Variants in PKN2 observed in about 807,000 individuals in gnomAD.
The protein encoded by PKN2 is protein kinase N2.
In PKN2, 38 loss-of-function variants were observed where a neutral mutation model predicts 119.1. The observed-to-expected ratio is 0.32, with a 90% CI of 0.25 to 0.42. The LOEUF (loss-of-function observed/expected upper bound fraction) is 0.42. PKN2 is among the 10% of genes least tolerant of loss of function. PKN2 has a pLI of 1.00. For missense variants in PKN2, 850 were observed against 1,165.1 expected (o/e 0.73, Z 3.94); for synonymous variants, 390 against 384.9 (o/e 1.01, Z -0.15).
At chr1:88,772,032 T>C (rs1032353897) in intron 6 of PKN2, among the ~76,000 whole-genome samples, 153 bp downstream of exon 6, 22 of 152,356 alleles carry the variant, frequency 1.4e-4, no homozygotes, top group South Asian at 8.3e-4. Flanking sequence ...TTTAATTTTA[T>C]TCAATTTGGA....
intron 6 of PKN2, among the ~76,000 whole-genome samples, chr1:88,777,901 G>A (rs1438757911): frequency 6.6e-6 from 1 of 152,126 alleles, no homozygotes; most frequent in Non-Finnish European, 1.5e-5. Flanking sequence ...TCTTTCTGAA[G>A]CCTGCTATCT....
chr1:88,688,729 T>C (rs1018685922), intron 1 of PKN2, among the ~76,000 whole-genome samples: 2 of 152,200 alleles, frequency 1.3e-5, no homozygotes, highest in African/African-American at 4.8e-5. Flanking sequence ...TTAACATTAC[T>C]CTGTAGACTG....
intron 8 of PKN2, among the ~76,000 whole-genome samples, chr1:88,803,887 A>G (rs1009980376): frequency 3.3e-5 from 5 of 152,208 alleles, no homozygotes; most frequent in Non-Finnish European, 7.4e-5. Context: ...TAATATTCTT[A>G]AAGTGCTTAT....
chr1:88,797,649 AAAAG>A (rs1224412348), intron 8 of PKN2, among the ~76,000 whole-genome samples: 16 of 151,536 alleles, frequency 1.1e-4, no homozygotes, highest in Non-Finnish European at 1.6e-4. Context: ...AAAAAAAAAA[AAAAG>A]AGAGAGAATG....
In PKN2 at chr1:88,771,427, C is replaced by A; in HGVS notation, c.629C>A (p.Pro210His). 1 of 1,585,724 alleles carries A rather than the reference C, an allele frequency of 6.3e-7. No homozygotes were observed. The highest frequency in any genetic ancestry group is 8.5e-7 in the Non-Finnish European group (1 of 1,170,928). The change falls in exon 5 of 22, where the codon CCT becomes CAT. Residue 210 changes from proline to histidine, a missense_variant. Pro to His is a moderately conservative substitution (Grantham distance 77, BLOSUM62 -2). Transcript: ENST00000370521. The part of the protein sequence containing the change: ...TNELAFDNAK[P>H]VISPLELRME... ...ATTTTTTTTTCCTTTCTAGCAAAACCTGTGATAAGTCCTCTTGAACTTCGG... is the reference window on the plus strand; with the variant it reads ...ATTTTTTTTTCCTTTCTAGCAAAACATGTGATAAGTCCTCTTGAACTTCGG...
At chr1:88,697,382 C>G (rs1248135225) in intron 1 of PKN2, among the ~76,000 whole-genome samples, 2 of 152,160 alleles carry the variant, frequency 1.3e-5, no homozygotes, top group African/African-American at 4.8e-5. Flanking sequence ...GCTATTCTTC[C>G]CCTGGCTGCT....
At chr1:88,758,413 G>A (rs945050974) in intron 2 of PKN2, among the ~76,000 whole-genome samples, 17 of 151,948 alleles carry the variant, frequency 1.1e-4, no homozygotes, top group African/African-American at 4.1e-4. Flanking sequence ...GGGTACCTGT[G>A]AAGATTTGTT....
chr1:88,760,390 A>G lies in PKN2; in HGVS notation c.504+14A>G. 7.2e-7 allele frequency: 1 copy of G among 1,395,382 alleles called. No individual in the cohort carries two copies. Among genetic ancestry groups the G allele is most frequent in the East Asian group, 2.4e-5 (1 of 41,976 alleles). The allele number at this position is 1,395,382 out of a possible 1,614,324, so 86.4% of individuals were successfully genotyped here. ...GGATCTTCAAAGGTAAGTGTAGTTAATAAATGTAACTATATAGTCAGTCAT... is the reference window on the plus strand; with the variant it reads ...GGATCTTCAAAGGTAAGTGTAGTTAGTAAATGTAACTATATAGTCAGTCAT... On this transcript the variant is annotated intron_variant, in intron 3 of 21. Coordinates refer to ENST00000370521, the MANE Select transcript of PKN2 (RefSeq NM_006256.4).
rs750144690 is a variant in PKN2, at chr1:88,807,525, T to C, written c.1935-4T>C. 8.1e-6 allele frequency: 13 copies of C among 1,610,270 alleles called. No homozygotes were observed. Among genetic ancestry groups the C allele is most frequent in the African/African-American group, 1.3e-5 (1 of 74,746 alleles). On this transcript the variant is annotated splice_region_variant and splice_polypyrimidine_tract_variant and intron_variant, in intron 13 of 21. Coordinates refer to ENST00000370521, the MANE Select transcript of PKN2 (RefSeq NM_006256.4). ...TTATTATTAATTGAAATTTCTCTTT[T>C]CAGATCTCAGCAAAGGTTTCAGTTT...
In PKN2 at chr1:88,819,329, G is replaced by GA. The variant is rs887677898; in HGVS notation, c.2280-2604dup. On this transcript the variant is annotated intron_variant, in intron 16 of 21. Transcript: ENST00000370521. ...ACAAGGAACTGAAACAAATTTACAA[G>GA]AAAAAAAACAGCCCCATCAAAAAGT... Among the ~76,000 whole-genome samples the GA allele has an allele frequency of 5.9e-5, 9 of 151,508 alleles. No homozygotes were observed. The South Asian group carries it at 8.3e-4, about 14-fold the overall frequency.
rs112292740 is a variant in PKN2, at chr1:88,814,404, A to T, written c.2279+671A>T. ...TAGTATCTTAATTTTGTAGCTGTTA[A>T]ATGGTGGAGCTAGGATTTGAACCTA... On this transcript the variant is annotated intron_variant, in intron 16 of 21. Coordinates refer to ENST00000370521, the MANE Select transcript of PKN2 (RefSeq NM_006256.4). Among the ~76,000 whole-genome samples the T allele has an allele frequency of 6.2e-3, 950 of 152,226 alleles. 11 individuals carry two copies. Among genetic ancestry groups the T allele is most frequent in the Non-Finnish European group, 9.4e-3 (638 of 67,968 alleles).
intron 1 of PKN2, among the ~76,000 whole-genome samples, chr1:88,723,483 G>A (rs534141260): frequency 4.0e-5 from 6 of 149,168 alleles, no homozygotes; most frequent in South Asian, 2.1e-4. Flanking sequence ...GTACAGTGGC[G>A]CGGTCTCGGC....
chr1:88,815,409 C>A, intron 16 of PKN2: 1 of 351,106 alleles, frequency 2.8e-6, no homozygotes, highest in Non-Finnish European at 5.4e-6. Flanking sequence ...CTAACCAATT[C>A]AGTTCACTCT....
intron 2 of PKN2, among the ~76,000 whole-genome samples, chr1:88,757,313 A>G (rs920256561): frequency 3.9e-5 from 6 of 152,116 alleles, no homozygotes; most frequent in Non-Finnish European, 8.8e-5. Flanking sequence ...CTAGCCTAGT[A>G]TCTCTATTAT....
intron 1 of PKN2, 64 bp downstream of exon 1, chr1:88,684,692 G>C (rs576142631): frequency 2.2e-6 from 3 of 1,383,250 alleles, no homozygotes; most frequent in South Asian, 1.5e-5. Context: ...CCCGCGCGGC[G>C]TCGGGGACCG....
rs1665976838 is a variant in PKN2, at chr1:88,684,350, G to C, written c.-231G>C. ...GAGGGAGCGACTAGACGAACAGTCC[G>C]GTGAGGGCGGCGAGAGGAAGCCCGC... On this transcript the variant is annotated 5_prime_UTR_variant, in exon 1 of 22. Coordinates refer to ENST00000370521, the MANE Select transcript of PKN2 (RefSeq NM_006256.4). The C allele has an allele frequency of 8.5e-6, 4 of 470,326 alleles. No individual in the cohort carries two copies. The South Asian group carries it at 9.2e-5, about 11-fold the overall frequency. The allele number at this position is 470,326 out of a possible 1,614,324, so 29.1% of individuals were successfully genotyped here. A position where few individuals can be genotyped will look rare whatever the true frequency, so the allele number is the denominator to read the frequency against.
At chr1:88,738,255 A>AT (rs1160356829) in intron 1 of PKN2, among the ~76,000 whole-genome samples, 25 of 152,178 alleles carry the variant, frequency 1.6e-4, no homozygotes, top group African/African-American at 2.7e-4. Flanking sequence ...GAGTGGTCAG[A>AT]TAAAAAAAAG....
chr1:88,692,192 A>G (rs900106290), intron 1 of PKN2, among the ~76,000 whole-genome samples: 3 of 152,144 alleles, frequency 2.0e-5, no homozygotes, highest in African/African-American at 7.2e-5. Flanking sequence ...TTAAATTGCT[A>G]TATAATATTT....
At chr1:88,709,517 G>A (rs1397411685) in intron 1 of PKN2, among the ~76,000 whole-genome samples, 2 of 152,146 alleles carry the variant, frequency 1.3e-5, no homozygotes, top group East Asian at 1.9e-4. Flanking sequence ...AGGGAAGGAA[G>A]CATACAATCC....
Sources: allele counts gnomAD v4.1 joint callset (sites outside exome capture counted in the v4.1 genomes callset), GRCh38; gene constraint gnomAD v4.1.1; transcripts MANE v1.5; gene names NCBI Gene and HGNC (gene_info 2026-07-23, HGNC 2026-07-21).